PEX16: variants seen among roughly 807,000 people sequenced by gnomAD.
PEX16 encodes peroxin 16.
In PEX16, 37 loss-of-function variants were observed where a neutral mutation model predicts 50.5. That is an observed-to-expected ratio of 0.73 (90% CI 0.56 to 0.96). PEX16 has a LOEUF of 0.96. PEX16 is among the 40% of genes least tolerant of loss of function. PEX16 has a pLI of 0.00. For synonymous variants in PEX16, 185 were observed against 190.3 expected (o/e 0.97, Z 0.23); for missense variants, 401 against 438.3 (o/e 0.91, Z 0.76).
At chr11:45,912,409 G>C (rs577064999) in intron 9 of PEX16, among the ~76,000 whole-genome samples, 1 of 152,022 alleles carries the variant, frequency 6.6e-6, no homozygotes, top group African/African-American at 2.4e-5. Context: ...TGAGACAGGA[G>C]AATGGCATGA....
intron 9 of PEX16, among the ~76,000 whole-genome samples, chr11:45,912,361 A>C (rs1160729436): frequency 2.0e-5 from 3 of 151,520 alleles, no homozygotes; most frequent in Non-Finnish European, 4.4e-5. Context: ...TTAGCCAGGC[A>C]TGGTAATGGG....
rs766445843 is a variant in PEX16, at chr11:45,914,554, C to T, written c.541+50G>A. The T allele has an allele frequency of 1.9e-6, 3 of 1,611,774 alleles. No individual in the cohort carries two copies. The South Asian group carries it at 3.3e-5, about 18-fold the overall frequency. On this transcript the variant is annotated intron_variant, in intron 6 of 10. Transcript: ENST00000378750. ...TGCTGACCAAAGCCAGTCCCTCAAG[C>T]CCAGGCAGACAGCACCTAGGTGCCC...
intron 10 of PEX16, 83 bp from the exon 11 acceptor site, chr11:45,910,395 C>T: frequency 8.6e-7 from 1 of 1,165,296 alleles, no homozygotes; most frequent in Non-Finnish European, 1.3e-6. Context: ...ACCCCTGCGG[C>T]CCAGGAGCCA....
In PEX16 at chr11:45,915,530, G is replaced by A. The variant is rs929811753; in HGVS notation, c.398C>T (p.Ala133Val). ...LRMLLLLWFK[A>V]GLQTSPPIVP... ...GATAGGGGGTGAAGTCTGGAGGCCA[G>A]CCTTGAACCAGAGCAGCAGGAGCAT... Residue 133 changes from alanine (A) to valine (V), a missense_variant, in exon 5 of 11, where the codon GCT (alanine) becomes GTT (valine). By Grantham distance (64) the Ala-to-Val change is moderately conservative. Coordinates refer to ENST00000378750, the MANE Select transcript of PEX16 (RefSeq NM_004813.4). 1.2e-6 allele frequency: 2 copies of A among 1,614,078 alleles called. No individual in the cohort carries two copies. Among genetic ancestry groups the A allele is most frequent in the Middle Eastern group, 1.6e-4 (1 of 6,084 alleles).
At position 45,914,129 on chromosome 11, in the gene PEX16, A is replaced by C; in HGVS notation, c.767+2T>G. The C allele has an allele frequency of 6.3e-7, 1 of 1,596,250 alleles. No homozygotes were observed. The highest frequency in any genetic ancestry group is 8.5e-7 in the Non-Finnish European group (1 of 1,171,076). ...TGAAGCCCCAGGCAGGCCCAGGCTC[A>C]CCTGGTCACGTCCACAACACCAGCC... is the stretch of plus-strand genomic sequence containing the variant. On this transcript the variant is annotated splice_donor_variant, in intron 8 of 10. Coordinates refer to ENST00000378750, the MANE Select transcript of PEX16 (RefSeq NM_004813.4). LOFTEE classifies it high-confidence loss of function.
intron 9 of PEX16, among the ~76,000 whole-genome samples, chr11:45,912,512 CAAACA>C (rs758209494): frequency 8.6e-5 from 13 of 150,522 alleles, no homozygotes; most frequent in Non-Finnish European, 1.3e-4. Context: ...CAAAAACAAA[CAAACA>C]AAAAAAGACA....
chr11:45,915,789 G>A lies in PEX16; in HGVS notation c.273C>T (p.Cys91=), dbSNP rs146476007. Residue 91 remains cysteine (C), a synonymous_variant, in exon 4 of 11, where the codon TGC becomes TGT. Coordinates refer to ENST00000378750, the MANE Select transcript of PEX16 (RefSeq NM_004813.4). ...CTCCCATCTCCATGAACACCTCCACGCACTCCAGCACGCTCAGCCATGTCA... is the reference window on the plus strand; with the variant it reads ...CTCCCATCTCCATGAACACCTCCACACACTCCAGCACGCTCAGCCATGTCA... The part of the protein sequence containing the change: ...KLLTWLSVLE[C]VEVFMEMGAA... 1.3e-5 allele frequency: 21 copies of A among 1,613,484 alleles called. No individual in the cohort carries two copies. Among genetic ancestry groups the A allele is most frequent in the Middle Eastern group, 1.6e-4 (1 of 6,084 alleles).
chr11:45,916,188 T>A, intron 3 of PEX16, 39 bp downstream of exon 3: 1 of 1,445,566 alleles, frequency 6.9e-7, no homozygotes, highest in Non-Finnish European at 9.7e-7. Context: ...CATTCCTGAG[T>A]CCCCATGCTT....
chr11:45,910,343 G>T (rs748658687), intron 10 of PEX16, 31 bp from the exon 11 acceptor site: 1 of 1,559,698 alleles, frequency 6.4e-7, no homozygotes, highest in Non-Finnish European at 8.8e-7. Context: ...ATCAGGGCAG[G>T]CCAGACCCCA....
intron 1 of PEX16, 53 bp from the exon 2 acceptor site, chr11:45,917,546 T>C: frequency 1.9e-6 from 3 of 1,606,778 alleles, no homozygotes; most frequent in Non-Finnish European, 2.6e-6. Context: ...TCACATTTCG[T>C]CTTCGGGTCC....
At position 45,914,304 on chromosome 11, in the gene PEX16, C is replaced by T. The variant is rs766275337; in HGVS notation, c.694+12G>A. ...ACAGTGCCAGCCCTATCCTGCCCCG[C>T]GCTAAGGATACAGTGCAGCAGCGGC... On this transcript the variant is annotated intron_variant, in intron 7 of 10. Coordinates refer to ENST00000378750, the MANE Select transcript of PEX16 (RefSeq NM_004813.4). 2.7e-5 allele frequency: 43 copies of T among 1,613,414 alleles called. No individual in the cohort carries two copies. Among genetic ancestry groups the T allele is most frequent in the Non-Finnish European group, 3.1e-5 (36 of 1,180,028 alleles).
chr11:45,910,133 T>G lies in PEX16; in HGVS notation c.*121A>C, dbSNP rs1377741881. 8 of 1,611,820 alleles carry G rather than the reference T, an allele frequency of 5.0e-6. No homozygotes were observed. In the East Asian group the frequency reaches 1.8e-4, roughly 36 times the overall value. ...AACGCTGGTGGCGACCAGGGCTGTG[T>G]GTGGGGCCTGGCCGGTAGGCACGGA... On this transcript the variant is annotated 3_prime_UTR_variant, in exon 11 of 11. Transcript: ENST00000378750.
rs1427929385 is a variant in PEX16 at position 45,914,147 on chromosome 11, C to T, written c.751G>A (p.Val251Ile). 1.9e-6 allele frequency: 3 copies of T among 1,604,858 alleles called. No individual in the cohort carries two copies. In the Admixed American group the frequency reaches 5.1e-5, roughly 27 times the overall value. The change falls in exon 8 of 11, where the codon GTT becomes ATT. Residue 251 changes from valine to isoleucine, a missense_variant. Physicochemically the swap from Val to Ile is conservative, Grantham distance 29 (BLOSUM62 3). Transcript: ENST00000378750. ...RSWKPWLLAG[V>I]VDVTSLSLLS... ...CAGGCTCACCTGGTCACGTCCACAA[C>T]ACCAGCCAAGAGCCAGGGTTTCCAC...
chr11:45,910,239 CT>C lies in PEX16; in HGVS notation c.*14del, dbSNP rs2086762006. The C allele has an allele frequency of 6.2e-7, 1 of 1,613,756 alleles. No homozygotes were observed. The highest frequency in any genetic ancestry group is 8.5e-7 in the Non-Finnish European group (1 of 1,179,908). On this transcript the variant is annotated 3_prime_UTR_variant, in exon 11 of 11. Transcript: ENST00000378750. The stretch of plus-strand genomic sequence containing the variant: ...CTGCCCCACCCCTCCCCACACCCTC[CT>C]TCCGGGAGGTCTGTCAGCCCCAACT...
upstream of PEX16, chr11:45,917,937 A>C: frequency 4.0e-6 from 3 of 741,202 alleles, no homozygotes; most frequent in East Asian, 8.0e-5. Context: ...TCCGCGGGCC[A>C]GAAGGCTGAG....
chr11:45,914,003 C>T, intron 8 of PEX16, 65 bp from the exon 9 acceptor site: 1 of 1,605,226 alleles, frequency 6.2e-7, no homozygotes, highest in Non-Finnish European at 8.5e-7. Context: ...AGGGGAGGAG[C>T]CATGGGCTGG....
upstream of PEX16, chr11:45,918,011 C>T (rs1234334174): frequency 1.6e-6 from 1 of 640,854 alleles, no homozygotes; most frequent in Non-Finnish European, 2.8e-6. Flanking sequence ...CTCGGGTAGC[C>T]CTTAGCAACT....
upstream of PEX16, chr11:45,918,102 C>T: frequency 2.0e-6 from 1 of 504,140 alleles, no homozygotes; most frequent in South Asian, 2.0e-5. Flanking sequence ...GCGCCGTCAG[C>T]ACCCAGCTCT....
chr11:45,909,912 C>T lies in PEX16; in HGVS notation c.*342G>A, dbSNP rs1234840735. The T allele has an allele frequency of 1.4e-5, 9 of 635,196 alleles. No individual in the cohort carries two copies. The highest frequency in any genetic ancestry group is 2.7e-5 in the East Asian group (1 of 36,488). 39.3% of individuals were successfully genotyped at this position (635,196 alleles called of 1,614,324 possible). ...GCTTCCTGTCCTCACCAGGGGCCAG[C>T]GAGAGAGCAGCAGTGTTCGCTCCTA... On this transcript the variant is annotated 3_prime_UTR_variant, in exon 11 of 11. Transcript: ENST00000378750.
Sources: allele counts gnomAD v4.1 joint callset (sites outside exome capture counted in the v4.1 genomes callset), GRCh38; gene constraint gnomAD v4.1.1; transcripts MANE v1.5; gene names NCBI Gene and HGNC (gene_info 2026-07-23, HGNC 2026-07-21).